The following GLIS1 variants were observed in gnomAD, a reference collection of about 807,000 sequenced individuals.
GLIS1 encodes the protein GLIS family zinc finger 1.
In GLIS1, 24 loss-of-function variants were observed where a neutral mutation model predicts 63.8. The observed-to-expected ratio is 0.38, with a 90% CI of 0.27 to 0.53. The LOEUF is 0.53. Ranked by LOEUF, GLIS1 falls within the 20% of genes least tolerant of loss-of-function variation. GLIS1 has a pLI of 0.85. For synonymous variants in GLIS1, 450 were observed against 482.5 expected (o/e 0.93, Z 0.88); for missense variants, 1,036 against 1,074.1 (o/e 0.96, Z 0.50).
chr1:53,515,297 G>T (rs867026054), intron 7 of GLIS1, among the ~76,000 whole-genome samples: 1 of 152,092 alleles, frequency 6.6e-6, no homozygotes, highest in South Asian at 2.1e-4. Context: ...CAGTGCTGCT[G>T]CAGGGCAATG....
chr1:53,661,570 G>A (rs1251330727), intron 2 of GLIS1, among the ~76,000 whole-genome samples: 1 of 152,198 alleles, frequency 6.6e-6, no homozygotes, highest in Non-Finnish European at 1.5e-5. Context: ...GCGTGGGGAG[G>A]ACGTGATAGA....
chr1:53,627,982 A>G (rs1038199421), intron 2 of GLIS1, among the ~76,000 whole-genome samples: 3 of 152,206 alleles, frequency 2.0e-5, no homozygotes, highest in Admixed American at 1.3e-4. Context: ...TTTCTGCCCA[A>G]TAGAATTTAG....
At position 53,666,076 on chromosome 1, in the gene GLIS1, T is replaced by G. The variant is rs369170536; in HGVS notation, c.260-65798A>C. ...AGGAAGCATCAAGGGCTAACCAGAA[T>G]GCACGAGGTTACACAGCCAGGAAGT... On this transcript the variant is annotated intron_variant, in intron 2 of 10. Transcript: ENST00000628545. 8.7e-4 allele frequency among the ~76,000 whole-genome samples: 133 copies of G among 152,306 alleles called. 1 individual carries two copies. The highest frequency in any genetic ancestry group is 2.8e-3 in the African/African-American group (118 of 41,564).
At chr1:53,690,233 C>A (rs117666489) in intron 2 of GLIS1, among the ~76,000 whole-genome samples, 1 of 152,256 alleles carries the variant, frequency 6.6e-6, no homozygotes, top group South Asian at 2.1e-4. Flanking sequence ...CAGCAACGCT[C>A]GGCACCACGA....
intron 8 of GLIS1, among the ~76,000 whole-genome samples, chr1:53,513,922 C>T (rs575849285): frequency 3.9e-5 from 6 of 152,318 alleles, no homozygotes; most frequent in African/African-American, 1.4e-4. Context: ...GCCAGGCCTG[C>T]GGGGACAAGG....
intron 2 of GLIS1, among the ~76,000 whole-genome samples, chr1:53,643,745 G>A (rs1249873155): frequency 6.6e-6 from 1 of 152,230 alleles, no homozygotes; most frequent in Non-Finnish European, 1.5e-5. Context: ...AGCACCAGGG[G>A]TTAACTGAGA....
intron 2 of GLIS1, among the ~76,000 whole-genome samples, chr1:53,727,909 G>T (rs1300057790): frequency 6.6e-6 from 1 of 152,200 alleles, no homozygotes; most frequent in Non-Finnish European, 1.5e-5. Context: ...AAAAGAAAAA[G>T]AATTTACTGG....
chr1:53,592,334 C>A (rs978675842), intron 4 of GLIS1, among the ~76,000 whole-genome samples: 13 of 152,122 alleles, frequency 8.5e-5, no homozygotes, highest in African/African-American at 2.7e-4. Flanking sequence ...TGTGAGAAGA[C>A]CACTAACCAC....
chr1:53,658,200 G>T (rs941125), intron 2 of GLIS1, among the ~76,000 whole-genome samples: 57,585 of 151,920 alleles, frequency 0.38, 10,962 homozygotes, highest in East Asian at 0.42. Flanking sequence ...CATCCTTCAG[G>T]GCCCAGCTAA....
chr1:53,576,977 T>C (rs9651200), intron 4 of GLIS1, among the ~76,000 whole-genome samples: 5,656 of 152,158 alleles, frequency 0.037, 356 homozygotes, highest in African/African-American at 0.13. Context: ...GGGCTTTTCC[T>C]GATGGCTCCA....
chr1:53,586,740 G>A (rs1006207380), intron 4 of GLIS1, among the ~76,000 whole-genome samples: 4 of 152,180 alleles, frequency 2.6e-5, no homozygotes, highest in African/African-American at 9.7e-5. Flanking sequence ...CAGATTAGGG[G>A]GTAGACGTGA....
chr1:53,594,237 G>T lies in GLIS1; in HGVS notation c.1191C>A (p.Asp397Glu), dbSNP rs1245050065. The T allele has an allele frequency of 3.1e-6, 5 of 1,613,750 alleles. No individual in the cohort carries two copies. In the African/African-American group the frequency reaches 6.7e-5, roughly 22 times the overall value. ...AGGTGAAGTCCTCGCCCTTGCGCTG[G>T]TCGATGTGGCTCTTCTCGATGTGCC... ...LVRHIEKSHI[D>E]QRKGEDFTCF... Residue 397 changes from aspartate to glutamate, a missense_variant, in exon 4 of 11, where the codon GAC becomes GAA. By Grantham distance (45) the Asp-to-Glu change is conservative (BLOSUM62 2). Coordinates refer to ENST00000628545, the MANE Select transcript of GLIS1 (RefSeq NM_001367484.1).
At chr1:53,546,749 C>T (rs1337471446) in intron 4 of GLIS1, among the ~76,000 whole-genome samples, 3 of 152,218 alleles carry the variant, frequency 2.0e-5, no homozygotes, top group East Asian at 3.8e-4. Flanking sequence ...ATGTTCTTCT[C>T]CTGCCACTTC....
intron 2 of GLIS1, among the ~76,000 whole-genome samples, chr1:53,647,113 AT>A (rs1645855318): frequency 6.6e-6 from 1 of 152,210 alleles, no homozygotes; most frequent in South Asian, 2.1e-4. Context: ...GAAATTCCAA[AT>A]TTATCTAGAA....
chr1:53,717,902 C>T (rs924225384), intron 2 of GLIS1, among the ~76,000 whole-genome samples: 1 of 152,182 alleles, frequency 6.6e-6, no homozygotes, highest in Non-Finnish European at 1.5e-5. Flanking sequence ...ACTTGCTTTC[C>T]AAGCCTCCCA....
rs530530080 is a variant in GLIS1, at chr1:53,663,702, C to G, written c.260-63424G>C. On this transcript the variant is annotated intron_variant, in intron 2 of 10. Coordinates refer to ENST00000628545, the MANE Select transcript of GLIS1 (RefSeq NM_001367484.1). Reference sequence around the variant, plus strand: ...AACACTGGTGAGTCGCTGGCCAACTCTGGCACTTCACTGGAGCCCGGGGAA... The same window carrying G: ...AACACTGGTGAGTCGCTGGCCAACTGTGGCACTTCACTGGAGCCCGGGGAA... Among the ~76,000 whole-genome samples the G allele has an allele frequency of 1.3e-3, 198 of 152,304 alleles. 1 individual carries two copies. Among genetic ancestry groups the G allele is most frequent in the African/African-American group, 4.6e-3 (192 of 41,564 alleles).
In GLIS1 at chr1:53,600,113, G is replaced by A; in HGVS notation, c.425C>T (p.Pro142Leu). ...TGCCCACACCTACCTGTCAGGGTGG[G>A]GGAAATGCAGCAGCCTCTCACAAGC... ...PQACERLLHF[P>L]HPDRSPRPQA... Residue 142 changes from proline (P) to leucine (L), a missense_variant, in exon 3 of 11, where the codon CCC (proline) becomes CTC (leucine). Pro to Leu is a moderately conservative substitution (Grantham distance 98). Around this residue, in one of 3 missense-constraint regions of GLIS1, gnomAD observed 592 missense variants for 593.9 expected, o/e 1.00. Coordinates refer to ENST00000628545, the MANE Select transcript of GLIS1 (RefSeq NM_001367484.1). The A allele has an allele frequency of 8.1e-7, 1 of 1,230,816 alleles. No homozygotes were observed. The highest frequency in any genetic ancestry group is 1.0e-6 in the Non-Finnish European group (1 of 986,710). 76.2% of individuals were successfully genotyped at this position (1,230,816 alleles called of 1,614,324 possible).
intron 4 of GLIS1, among the ~76,000 whole-genome samples, chr1:53,556,076 T>TGTG (rs1644819822): frequency 5.1e-5 from 3 of 59,336 alleles, no homozygotes; most frequent in Admixed American, 1.9e-4. Flanking sequence ...TACTGTAGGT[T>TGTG]TGTGTGTGCA....
intron 4 of GLIS1, among the ~76,000 whole-genome samples, chr1:53,532,798 ATCT>A (rs1232925263): frequency 6.6e-6 from 1 of 152,198 alleles, no homozygotes; most frequent in Non-Finnish European, 1.5e-5. Context: ...TCGATACATC[ATCT>A]TCTCCCCGAG....
Sources: gnomAD v4.1 joint callset for allele counts (sites outside exome capture counted in the v4.1 genomes callset) on GRCh38, gnomAD v4.1.1 for gene constraint, gnomAD v4.1.1 regional missense constraint, MANE v1.5 for transcripts, NCBI Gene and HGNC (gene_info 2026-07-23, HGNC 2026-07-21) for gene names.